The following CTBP2 variants were observed in gnomAD, a reference collection of about 807,000 sequenced individuals.
CTBP2 encodes the protein C-terminal-binding protein 2.
A neutral mutation model predicts 80.3 loss-of-function variants in CTBP2; 30 were observed. The ratio of observed to expected loss-of-function variants is 0.37; its 90% CI spans 0.28 to 0.51. CTBP2 has a LOEUF of 0.51. Ranked by LOEUF, CTBP2 falls within the 20% of genes least tolerant of loss-of-function variation. The pLI, the probability that CTBP2 is intolerant of heterozygous loss-of-function variation, is 0.93. For missense variants in CTBP2, 1,212 were observed against 1,375.3 expected (o/e 0.88, Z 1.88); for synonymous variants, 594 against 587.4 (o/e 1.01, Z -0.16).
intron 1 of CTBP2, among the ~76,000 whole-genome samples, chr10:125,159,197 C>T (rs1861488496): frequency 6.6e-6 from 1 of 150,830 alleles, no homozygotes. Flanking sequence ...GGCGGCCCGG[C>T]TGTCCCTGCG....
chr10:125,031,658 A>T (rs1053723251), upstream of CTBP2, among the ~76,000 whole-genome samples: 1 of 152,180 alleles, frequency 6.6e-6, no homozygotes, highest in African/African-American at 2.4e-5. Flanking sequence ...CTGGGTTTTA[A>T]AGCAGCCTTC....
At chr10:125,054,362 C>G (rs1359099346) in intron 2 of CTBP2, among the ~76,000 whole-genome samples, 2 of 152,164 alleles carry the variant, frequency 1.3e-5, no homozygotes, top group African/African-American at 4.8e-5. Context: ...ACTTCCCTCC[C>G]TCCCAGAGGC....
chr10:125,092,361 T>C, intron 2 of CTBP2, among the ~76,000 whole-genome samples: 1 of 151,966 alleles, frequency 6.6e-6, no homozygotes, highest in East Asian at 1.9e-4. Context: ...CAGCTCATTT[T>C]TGTATTTTTA....
At chr10:125,070,615 G>C (rs1292805870) in intron 2 of CTBP2, among the ~76,000 whole-genome samples, 1 of 150,706 alleles carries the variant, frequency 6.6e-6, no homozygotes, top group African/African-American at 2.4e-5. Context: ...GGAAAACTGG[G>C]TGTGAGGTAT....
At chr10:125,055,057 A>G (rs1468954785) in intron 2 of CTBP2, among the ~76,000 whole-genome samples, 1 of 152,214 alleles carries the variant, frequency 6.6e-6, no homozygotes, top group Non-Finnish European at 1.5e-5. Flanking sequence ...TCTGGGGAAC[A>G]TTAAAAAGAT....
Position 124,989,472 on chromosome 10 carries a change from T to C in CTBP2, c.*46A>G. 1 of 1,549,180 alleles carries C rather than the reference T, an allele frequency of 6.5e-7. No homozygotes were observed. Among genetic ancestry groups the C allele is most frequent in the Non-Finnish European group, 8.9e-7 (1 of 1,122,726 alleles). On this transcript the variant is annotated 3_prime_UTR_variant, in exon 9 of 9. Coordinates refer to ENST00000309035, the MANE Select transcript of CTBP2 (RefSeq NM_022802.3). ...CTTAGTTCATCTATTTTTCACTGTC[T>C]CTTGGTCCCAAGTGTATCTGAGTGA...
At chr10:125,119,535 C>T (rs1251926152) in intron 1 of CTBP2, among the ~76,000 whole-genome samples, 1 of 152,168 alleles carries the variant, frequency 6.6e-6, no homozygotes, top group African/African-American at 2.4e-5. Context: ...TTTCAAAATA[C>T]TTCAAAGACA....
rs12571821 is a variant in CTBP2 at position 125,026,072 on chromosome 10, G to A, written c.1678+10C>T. The A allele has an allele frequency of 9.0e-6, 14 of 1,549,024 alleles. No homozygotes were observed. The South Asian group carries it at 1.6e-4, about 18-fold the overall frequency. On this transcript the variant is annotated intron_variant, in intron 1 of 8. Transcript: ENST00000309035. Reference sequence around the variant, plus strand: ...GTCCCCAGGCAGGGCAGGCGGGGAGGATGTATTACTTGGTTCTGGTGCAAG... The same window carrying A: ...GTCCCCAGGCAGGGCAGGCGGGGAGAATGTATTACTTGGTTCTGGTGCAAG...
chr10:125,030,552 G>T (rs1224770259), upstream of CTBP2, among the ~76,000 whole-genome samples: 1 of 152,240 alleles, frequency 6.6e-6, no homozygotes, highest in South Asian at 2.1e-4. Flanking sequence ...CTGCCAACAA[G>T]CATTTCATGT....
chr10:125,132,646 C>T (rs1406698078), intron 1 of CTBP2, among the ~76,000 whole-genome samples: 2 of 152,196 alleles, frequency 1.3e-5, no homozygotes, highest in Non-Finnish European at 2.9e-5. Flanking sequence ...CACATCCGTA[C>T]AGACTGCATC....
intron 2 of CTBP2, among the ~76,000 whole-genome samples, chr10:125,046,534 T>C (rs1183681258): frequency 2.5e-5 from 1 of 39,224 alleles, no homozygotes; most frequent in Non-Finnish European, 4.5e-5. Flanking sequence ...TGAGACTCTA[T>C]CTCAAAAAAA....
chr10:125,082,428 G>C (rs895972855), intron 2 of CTBP2, among the ~76,000 whole-genome samples: 4 of 152,098 alleles, frequency 2.6e-5, no homozygotes, highest in African/African-American at 7.2e-5. Context: ...TTTATGTACT[G>C]AACTTGTACT....
chr10:124,986,869 T>C lies in CTBP2; in HGVS notation c.*2649A>G, dbSNP rs1228913910. ...AGGGAAAAGCATGTAGCCATTGCAG[T>C]CTGCATTGCAGCCAGCGTTGTCCAG... On this transcript the variant is annotated 3_prime_UTR_variant, in exon 9 of 9. Coordinates refer to ENST00000309035, the MANE Select transcript of CTBP2 (RefSeq NM_022802.3). 1.5e-5 allele frequency: 2 copies of C among 134,798 alleles called. No individual in the cohort carries two copies. The highest frequency in any genetic ancestry group is 5.7e-5 in the African/African-American group (2 of 35,364). The allele number at this position is 134,798 out of a possible 1,614,324, so 8.4% of individuals were successfully genotyped here.
intron 1 of CTBP2, among the ~76,000 whole-genome samples, chr10:125,122,241 T>C (rs1301347505): frequency 2.0e-5 from 3 of 152,242 alleles, no homozygotes; most frequent in African/African-American, 7.2e-5. Flanking sequence ...TTGGAAAGAA[T>C]GGACAACCTT....
chr10:125,133,997 T>C (rs1255225028), intron 1 of CTBP2, among the ~76,000 whole-genome samples: 1 of 152,180 alleles, frequency 6.6e-6, no homozygotes, highest in Non-Finnish European at 1.5e-5. Flanking sequence ...CATAAAGGCA[T>C]GTAAAACTTA....
intron 2 of CTBP2, among the ~76,000 whole-genome samples, chr10:125,076,890 C>A (rs1846349836): frequency 6.6e-6 from 1 of 152,214 alleles, no homozygotes. Flanking sequence ...CATCCTTCCC[C>A]CTTTAAATGG....
chr10:124,989,903 GTTTTTGTATT>G (rs1332070178), intron 8 of CTBP2, among the ~76,000 whole-genome samples: 3 of 152,018 alleles, frequency 2.0e-5, no homozygotes, highest in Non-Finnish European at 4.4e-5. Flanking sequence ...CGCCTAGCTA[GTTTTTGTATT>G]TTTTTGTAGA....
At chr10:125,120,110 G>T (rs1854067611) in intron 1 of CTBP2, among the ~76,000 whole-genome samples, 1 of 152,150 alleles carries the variant, frequency 6.6e-6, no homozygotes, top group Non-Finnish European at 1.5e-5. Context: ...GTGGGCTGGA[G>T]AGACACAGCG....
At chr10:125,006,019 G>A (rs912207431) in intron 1 of CTBP2, 1 of 1,420,966 alleles carries the variant, frequency 7.0e-7, no homozygotes, top group Non-Finnish European at 9.2e-7. Flanking sequence ...GTCACAAGAT[G>A]TCCATCCGCA....
Sources: gnomAD v4.1 joint callset for allele counts (sites outside exome capture counted in the v4.1 genomes callset) on GRCh38, gnomAD v4.1.1 for gene constraint, MANE v1.5 for transcripts, NCBI Gene and HGNC (gene_info 2026-07-23, HGNC 2026-07-21) for gene names.